The following BASP1 variants were observed in gnomAD, a reference collection of about 807,000 sequenced individuals.
BASP1 encodes the protein brain acid soluble protein 1.
In BASP1, 1 loss-of-function variant was observed where a neutral mutation model predicts 2.2. That is an observed-to-expected ratio of 0.46 (90% CI 0.16 to 2.17). BASP1 has a LOEUF of 2.17. Ranked by LOEUF, BASP1 falls within the 30% of genes most tolerant of loss-of-function variation. The probability of loss-of-function intolerance (pLI) is 0.27; values close to 1 mark genes in which losing one functional copy is unlikely to be tolerated. For missense variants in BASP1, 352 were observed against 327.2 expected, an observed-to-expected ratio of 1.08 and a Z score of -0.58; for synonymous variants, 187 against 154.2, an observed-to-expected ratio of 1.21 and a Z score of -1.58.
chr5:17,269,097 C>T (rs764127128), intron 1 of BASP1, among the ~76,000 whole-genome samples: 11 of 152,134 alleles, frequency 7.2e-5, no homozygotes, highest in Admixed American at 4.6e-4. Context: ...CAAAAACAAA[C>T]GAACAAACAA....
intron 1 of BASP1, among the ~76,000 whole-genome samples, chr5:17,224,022 TC>T (rs1198484137): frequency 1.3e-5 from 2 of 152,194 alleles, no homozygotes; most frequent in Non-Finnish European, 2.9e-5. Context: ...GAAGGAATTA[TC>T]CCCGTGGGGA....
Position 17,275,977 on chromosome 5 carries a change from C to G in BASP1, c.*77C>G, listed in dbSNP as rs1392806967. ...TCTCTCTCTCTCTCTCTCTATCTCT[C>G]TCTCTATCTCCTCTCTCTCTCTCCT... On this transcript the variant is annotated 3_prime_UTR_variant, in exon 2 of 2. Coordinates refer to ENST00000322611, the MANE Select transcript of BASP1 (RefSeq NM_006317.5). This position sits in a 1 kb window ranked among gnomAD's most constrained non-coding sequence, Gnocchi z 5.3. The G allele has an allele frequency of 3.1e-6, 4 of 1,273,910 alleles. No homozygotes were observed. Among genetic ancestry groups the G allele is most frequent in the Non-Finnish European group, 4.2e-6 (4 of 951,794 alleles). 78.9% of individuals were successfully genotyped at this position (1,273,910 alleles called of 1,614,324 possible).
chr5:17,256,474 T>C (rs1219753898), intron 1 of BASP1, among the ~76,000 whole-genome samples: 9 of 152,204 alleles, frequency 5.9e-5, no homozygotes, highest in Admixed American at 5.9e-4. Flanking sequence ...AATAAGTGAA[T>C]TTGAGTGCTC....
rs546930870 is a variant in BASP1, at chr5:17,235,139, C to A, written c.-10+17329C>A. Reference sequence around the variant, plus strand: ...TGAACACAGTGTTTGTAGTTACTGTCAGACTCCTTGGGGAAGTGTCTTCTG... The same window carrying A: ...TGAACACAGTGTTTGTAGTTACTGTAAGACTCCTTGGGGAAGTGTCTTCTG... On this transcript the variant is annotated intron_variant, in intron 1 of 1. Coordinates refer to ENST00000322611, the MANE Select transcript of BASP1 (RefSeq NM_006317.5). Among the ~76,000 whole-genome samples, 15 of 152,254 alleles carry A rather than the reference C, an allele frequency of 9.9e-5. No individual in the cohort carries two copies. The East Asian group carries it at 2.9e-3, about 29-fold the overall frequency.
chr5:17,268,317 C>T (rs1170276236), intron 1 of BASP1, among the ~76,000 whole-genome samples: 1 of 152,154 alleles, frequency 6.6e-6, no homozygotes, highest in East Asian at 1.9e-4. Context: ...ATTTTGCTAT[C>T]TACTCTTCCA....
intron 1 of BASP1, among the ~76,000 whole-genome samples, chr5:17,254,424 C>G (rs1740160656): frequency 1.3e-5 from 2 of 152,130 alleles, no homozygotes; most frequent in Admixed American, 1.3e-4. Context: ...ATCAAGATTC[C>G]ATAATTCCAA....
At chr5:17,234,573 TGA>T (rs1739701969) in intron 1 of BASP1, among the ~76,000 whole-genome samples, 1 of 152,192 alleles carries the variant, frequency 6.6e-6, no homozygotes, top group African/African-American at 2.4e-5. Flanking sequence ...ACAGCTGACA[TGA>T]GGTTTTTCTA....
At chr5:17,271,547 T>C (rs912249862) in intron 1 of BASP1, among the ~76,000 whole-genome samples, 3 of 152,338 alleles carry the variant, frequency 2.0e-5, no homozygotes, top group Non-Finnish European at 4.4e-5. Flanking sequence ...CTGAATTTTG[T>C]TGCTGTGCTA....
At chr5:17,228,816 C>T (rs991126283) in intron 1 of BASP1, among the ~76,000 whole-genome samples, 7 of 152,138 alleles carry the variant, frequency 4.6e-5, no homozygotes, top group Admixed American at 1.3e-4. Context: ...GCTAAGCATA[C>T]GACTAAAGCG....
chr5:17,272,277 G>A (rs915326357), intron 1 of BASP1, among the ~76,000 whole-genome samples: 5 of 152,052 alleles, frequency 3.3e-5, no homozygotes, highest in Non-Finnish European at 7.4e-5. Flanking sequence ...TTGTAACCCA[G>A]GCGCATAACA....
At chr5:17,218,698 C>T (rs1018088167) in intron 1 of BASP1, among the ~76,000 whole-genome samples, 1 of 152,138 alleles carries the variant, frequency 6.6e-6, no homozygotes, top group African/African-American at 2.4e-5. Flanking sequence ...AGCTTTTGCC[C>T]AAAGCGCTAA....
chr5:17,230,831 G>A (rs1358208023), intron 1 of BASP1, among the ~76,000 whole-genome samples: 1 of 152,164 alleles, frequency 6.6e-6, no homozygotes, highest in Non-Finnish European at 1.5e-5. Flanking sequence ...GCCTCCCAAA[G>A]TGCTGGGATT....
Position 17,275,908 on chromosome 5 carries a change from A to G in BASP1, c.*8A>G, listed in dbSNP as rs778245060. 6.4e-7 allele frequency: 1 copy of G among 1,558,960 alleles called. No homozygotes were observed. The highest frequency in any genetic ancestry group is 8.7e-7 in the Non-Finnish European group (1 of 1,155,016). On this transcript the variant is annotated 3_prime_UTR_variant, in exon 2 of 2. Transcript: ENST00000322611. The surrounding 1 kb of genome is among the most constrained non-coding windows in gnomAD (Gnocchi z 5.3). ...GTAACCGTGAAAGAGTGACAAGGAC[A>G]GCCTATAGGAAAAACAATACCACTT...
At chr5:17,242,588 A>G (rs774170192) in intron 1 of BASP1, among the ~76,000 whole-genome samples, 4 of 152,190 alleles carry the variant, frequency 2.6e-5, no homozygotes, top group Non-Finnish European at 4.4e-5. Context: ...CGTATCTCCA[A>G]TTAGAGTAGC....
chr5:17,241,114 T>C (rs79501202), intron 1 of BASP1, among the ~76,000 whole-genome samples: 1 of 151,640 alleles, frequency 6.6e-6, no homozygotes, highest in East Asian at 1.9e-4. Context: ...TTTTTTTTTT[T>C]CTTGAGGCCG....
rs1195466671 is a variant in BASP1, at chr5:17,276,017, C to T, written c.*117C>T. 4.6e-6 allele frequency: 4 copies of T among 864,374 alleles called. No individual in the cohort carries two copies. The highest frequency in any genetic ancestry group is 3.2e-5 in the East Asian group (1 of 31,518). 53.5% of individuals were successfully genotyped at this position (864,374 alleles called of 1,614,324 possible). On this transcript the variant is annotated 3_prime_UTR_variant, in exon 2 of 2. Transcript: ENST00000322611. The stretch of plus-strand genomic sequence containing the variant: ...CTCTCTCTCCTCTCCTATCTCTCCT[C>T]TCTCTCTCTCCTATACTAACTTGTT...
intron 1 of BASP1, among the ~76,000 whole-genome samples, chr5:17,244,059 G>A (rs1173442389): frequency 6.6e-6 from 1 of 152,146 alleles, no homozygotes; most frequent in Admixed American, 6.5e-5. Flanking sequence ...CTTAAATATT[G>A]GAAGATAACT....
intron 1 of BASP1, among the ~76,000 whole-genome samples, chr5:17,266,814 C>CAAAAAAAAA (rs70943882): frequency 3.6e-5 from 4 of 111,486 alleles, no homozygotes; most frequent in Non-Finnish European, 5.4e-5. Context: ...GATCCTGTCT[C>CAAAAAAAAA]AAAAAAAAAA....
At chr5:17,223,130 G>A (rs1739424184) in intron 1 of BASP1, among the ~76,000 whole-genome samples, 1 of 152,046 alleles carries the variant, frequency 6.6e-6, no homozygotes, top group African/African-American at 2.4e-5. Context: ...CATTGTGTAG[G>A]GAGTATAATA....
Sources: gnomAD v4.1 joint callset for allele counts (sites outside exome capture counted in the v4.1 genomes callset) on GRCh38, gnomAD v4.1.1 for gene constraint, Gnocchi (gnomAD v3.1) non-coding constraint, MANE v1.5 for transcripts, NCBI Gene and HGNC (gene_info 2026-07-23, HGNC 2026-07-21) for gene names.